DACH2: variants seen among roughly 807,000 people sequenced by gnomAD.
DACH2 encodes dachshund family transcription factor 2, also known as dachshund homolog 2.
DACH2 carries 17 observed loss-of-function variants against 35.8 expected under a neutral mutation model. The observed-to-expected ratio is 0.48, with a 90% CI of 0.33 to 0.71. The LOEUF (loss-of-function observed/expected upper bound fraction) is 0.71, where lower values mean the gene tolerates loss of function less well. Ranked by LOEUF, DACH2 falls within the 30% of genes least tolerant of loss-of-function variation. The probability of loss-of-function intolerance (pLI) is 0.02; values close to 1 mark genes in which losing one functional copy is unlikely to be tolerated. For missense variants in DACH2, 469 were observed against 472.7 expected (o/e 0.99, Z 0.07); for synonymous variants, 195 against 177.3 (o/e 1.10, Z -0.79).
intron 2 of DACH2, among the ~76,000 whole-genome samples, chrX:86,410,885 T>C (rs2036598946): frequency 9.4e-6 from 1 of 106,781 alleles, no homozygotes; most frequent in Non-Finnish European, 1.9e-5. Flanking sequence ...TTTTTCCAAA[T>C]CTTTAACAGT....
intron 1 of DACH2, among the ~76,000 whole-genome samples, chrX:86,362,067 AT>A (rs1374905762): frequency 9.0e-6 from 1 of 111,519 alleles, no homozygotes; most frequent in Admixed American, 9.6e-5. Flanking sequence ...ACATACTGAG[AT>A]TATATCCCAA....
At chrX:86,803,943 G>A (rs1367647586) in intron 7 of DACH2, among the ~76,000 whole-genome samples, 1 of 111,294 alleles carries the variant, frequency 9.0e-6, no homozygotes, top group African/African-American at 3.3e-5. Context: ...AATCTCAAGT[G>A]AAATGCATAA....
intron 1 of DACH2, among the ~76,000 whole-genome samples, chrX:86,159,071 G>GT (rs1051262095): frequency 6.3e-5 from 7 of 111,349 alleles, no homozygotes; most frequent in Admixed American, 1.9e-4. Flanking sequence ...AATTCATAAA[G>GT]TTAATCAATC....
chrX:86,409,573 G>A (rs2036578349), intron 2 of DACH2, among the ~76,000 whole-genome samples: 1 of 110,865 alleles, frequency 9.0e-6, no homozygotes, highest in Non-Finnish European at 1.9e-5. Context: ...CATTCACCAT[G>A]TGACATACCT....
intron 2 of DACH2, among the ~76,000 whole-genome samples, chrX:86,505,923 A>G (rs1191523638): frequency 8.9e-6 from 1 of 112,169 alleles, no homozygotes; most frequent in African/African-American, 3.2e-5. Context: ...TTAAGTTTAC[A>G]TCTCTAATCC....
intron 1 of DACH2, among the ~76,000 whole-genome samples, chrX:86,176,558 A>G (rs892550957): frequency 9.0e-6 from 1 of 111,360 alleles, no homozygotes; most frequent in Non-Finnish European, 1.9e-5. Flanking sequence ...TAATAATACT[A>G]TCAGATTTTA....
At chrX:86,294,116 C>G (rs1179420373) in intron 1 of DACH2, among the ~76,000 whole-genome samples, 1 of 111,081 alleles carries the variant, frequency 9.0e-6, no homozygotes, top group Non-Finnish European at 1.9e-5. Context: ...GGAGGCTTTG[C>G]TCGTTTCTTT....
At chrX:86,434,804 G>A (rs1008497716) in intron 2 of DACH2, among the ~76,000 whole-genome samples, 1 of 111,804 alleles carries the variant, frequency 8.9e-6, no homozygotes, top group Non-Finnish European at 1.9e-5. Context: ...TGTGCAGGCT[G>A]TACAGGAATC....
chrX:86,484,282 G>C (rs762082818), intron 2 of DACH2, among the ~76,000 whole-genome samples: 20 of 111,859 alleles, frequency 1.8e-4, no homozygotes, highest in Admixed American at 1.1e-3. Context: ...TATAGTCATA[G>C]TTTCCTAAGC....
At chrX:86,546,342 T>TTCTTCTTCTTCC (rs2038957737) in intron 3 of DACH2, among the ~76,000 whole-genome samples, 2 of 81,902 alleles carry the variant, frequency 2.4e-5, no homozygotes, top group African/African-American at 1.1e-4. Flanking sequence ...CTTCTTCCTC[T>TTCTTCTTCTTCC]TCTTCTTCTT....
intron 1 of DACH2, among the ~76,000 whole-genome samples, chrX:86,167,939 G>C (rs1321368186): frequency 1.8e-5 from 2 of 111,672 alleles, no homozygotes; most frequent in Non-Finnish European, 3.8e-5. Flanking sequence ...AATGTTTTAA[G>C]ACATGTTTTG....
At chrX:86,383,661 G>C (rs1434526892) in intron 2 of DACH2, among the ~76,000 whole-genome samples, 1 of 104,166 alleles carries the variant, frequency 9.6e-6, no homozygotes, top group African/African-American at 3.5e-5. Flanking sequence ...TTTGAACCTT[G>C]AGCAAGTCAT....
chrX:86,438,273 G>T (rs906601041), intron 2 of DACH2, among the ~76,000 whole-genome samples: 1 of 102,912 alleles, frequency 9.7e-6, no homozygotes, highest in Non-Finnish European at 2.0e-5. Flanking sequence ...GCCTGGGCTG[G>T]AGTGCAATGG....
intron 4 of DACH2, among the ~76,000 whole-genome samples, chrX:86,680,744 C>G (rs1191290594): frequency 1.9e-5 from 2 of 106,482 alleles, no homozygotes; most frequent in Non-Finnish European, 3.9e-5. Context: ...GCCTTGACCT[C>G]CTGGACTCAA....
At chrX:86,234,911 C>G (rs1162548236) in intron 1 of DACH2, among the ~76,000 whole-genome samples, 1 of 111,485 alleles carries the variant, frequency 9.0e-6, no homozygotes, top group African/African-American at 3.3e-5. Context: ...CTGCGCCCAG[C>G]CCAATATTTG....
chrX:86,535,491 A>C (rs1265016341), intron 3 of DACH2, among the ~76,000 whole-genome samples: 1 of 111,599 alleles, frequency 9.0e-6, no homozygotes. Flanking sequence ...GTGCCTCATT[A>C]TACTTTCTTC....
chrX:86,818,329 G>A (rs1016206115), intron 11 of DACH2, among the ~76,000 whole-genome samples: 2 of 110,995 alleles, frequency 1.8e-5, no homozygotes, highest in Non-Finnish European at 3.8e-5. Flanking sequence ...AGGAAAATAG[G>A]TGCCTACAAA....
At chrX:86,756,327 A>G (rs1421162060) in intron 7 of DACH2, among the ~76,000 whole-genome samples, 1 of 111,346 alleles carries the variant, frequency 9.0e-6, no homozygotes, top group African/African-American at 3.3e-5. Flanking sequence ...TGCTTTGGGC[A>G]TTATGGTAAT....
chrX:86,276,071 C>A (rs1400246099), intron 1 of DACH2, among the ~76,000 whole-genome samples: 1 of 112,083 alleles, frequency 8.9e-6, no homozygotes, highest in Non-Finnish European at 1.9e-5. Flanking sequence ...TGGGTATATA[C>A]CCAGCAGTGA....
Sources: gnomAD v4.1 joint callset for allele counts (sites outside exome capture counted in the v4.1 genomes callset) on GRCh38, gnomAD v4.1.1 for gene constraint, MANE v1.5 for transcripts, NCBI Gene and HGNC (gene_info 2026-07-23, HGNC 2026-07-21) for gene names.